USH2A: variants seen among roughly 807,000 people sequenced by gnomAD.
USH2A encodes the protein usherin.
A neutral mutation model predicts 538.9 loss-of-function variants in USH2A; 443 were observed. That is an observed-to-expected ratio of 0.82 (90% CI 0.76 to 0.89). The LOEUF (loss-of-function observed/expected upper bound fraction) is 0.89. Ranked by LOEUF, USH2A falls within the 40% of genes least tolerant of loss-of-function variation. The pLI, the probability that USH2A is intolerant of heterozygous loss-of-function variation, is 0.00. For missense variants in USH2A, 6,633 were observed against 6,324.8 expected (o/e 1.05, Z -1.65); for synonymous variants, 2,413 against 2,273.5 (o/e 1.06, Z -1.75).
intron 21 of USH2A, among the ~76,000 whole-genome samples, chr1:216,151,350 T>C (rs1467856794): frequency 1.3e-5 from 2 of 152,168 alleles, no homozygotes; most frequent in African/African-American, 4.8e-5. Context: ...TACCTGCCAA[T>C]TGGACAGCCA....
chr1:215,719,228 C>A (rs756576287), intron 61 of USH2A, among the ~76,000 whole-genome samples: 2 of 151,744 alleles, frequency 1.3e-5, no homozygotes, highest in Non-Finnish European at 2.9e-5. Flanking sequence ...GGGTAGGGTC[C>A]TAAGAGTGTC....
intron 30 of USH2A, among the ~76,000 whole-genome samples, chr1:216,069,513 A>G (rs1270602761): frequency 6.6e-6 from 1 of 152,148 alleles, no homozygotes; most frequent in African/African-American, 2.4e-5. Flanking sequence ...TTAATATTTC[A>G]TGAAGCTGAA....
At chr1:216,160,147 T>C (rs2034028750) in intron 21 of USH2A, among the ~76,000 whole-genome samples, 1 of 152,012 alleles carries the variant, frequency 6.6e-6, no homozygotes, top group Admixed American at 6.6e-5. Context: ...ATCATTGATT[T>C]CTCTTATTTT....
At position 216,246,592 on chromosome 1, in the gene USH2A, A is replaced by C. The variant is rs201527662; in HGVS notation, c.2802T>G (p.Cys934Trp). The change falls in exon 13 of 72, where the codon TGT becomes TGG. Residue 934 changes from cysteine to tryptophan, a missense_variant. Cys to Trp is a radical substitution (Grantham distance 215). Transcript: ENST00000307340. ...PNRQGRRCNQ[C>W]QPGFYISPGN... ...AATACATTTCTTTCTTACCTGGTTGACACTGATTACACCTTCTTCCTTGAC... is the reference window on the plus strand; with the variant it reads ...AATACATTTCTTTCTTACCTGGTTGCCACTGATTACACCTTCTTCCTTGAC... 146 of 1,614,032 alleles carry C rather than the reference A, an allele frequency of 9.0e-5. No individual in the cohort carries two copies. The East Asian group carries it at 2.6e-3, about 28-fold the overall frequency.
chr1:216,034,501 G>T (rs1669198065), intron 32 of USH2A, among the ~76,000 whole-genome samples: 1 of 152,120 alleles, frequency 6.6e-6, no homozygotes, highest in African/African-American at 2.4e-5. Flanking sequence ...TGAAAATAAG[G>T]TATTTGCAGA....
At chr1:216,298,843 C>CT (rs10548505) in intron 9 of USH2A, among the ~76,000 whole-genome samples, 6 of 143,268 alleles carry the variant, frequency 4.2e-5, no homozygotes, top group Admixed American at 1.4e-4. Flanking sequence ...TAGGAGAATA[C>CT]TTTTTTTTTT....
At chr1:215,917,990 C>T (rs958553450) in intron 38 of USH2A, among the ~76,000 whole-genome samples, 3 of 151,456 alleles carry the variant, frequency 2.0e-5, no homozygotes, top group African/African-American at 7.3e-5. Context: ...TGACTGAGGT[C>T]GTGTAGAAAA....
intron 61 of USH2A, among the ~76,000 whole-genome samples, chr1:215,683,014 G>A (rs12091545): frequency 0.01 from 1,560 of 151,934 alleles, 28 homozygotes; most frequent in African/African-American, 0.035. Context: ...ATGTACCACC[G>A]TGTGTGGCTA....
At chr1:216,250,760 A>C in intron 12 of USH2A, 143 bp downstream of exon 12, 1 of 835,946 alleles carries the variant, frequency 1.2e-6, no homozygotes, top group Non-Finnish European at 2.0e-6. Flanking sequence ...CATTTTAAAC[A>C]GTTAATTTCA....
Position 215,817,202 on chromosome 1 carries a change from C to G in USH2A, c.9372-7G>C. On this transcript the variant is annotated splice_polypyrimidine_tract_variant and splice_region_variant and intron_variant, in intron 47 of 71. Coordinates refer to ENST00000307340, the MANE Select transcript of USH2A (RefSeq NM_206933.4). ...CCAATCAATTTGAAGAGATCTGCAACAGAGAGAATAATCAATACTTCTGAA... is the reference window on the plus strand; with the variant it reads ...CCAATCAATTTGAAGAGATCTGCAAGAGAGAGAATAATCAATACTTCTGAA... The G allele has an allele frequency of 6.2e-7, 1 of 1,611,160 alleles. No individual in the cohort carries two copies. The highest frequency in any genetic ancestry group is 1.1e-5 in the South Asian group (1 of 91,030).
chr1:216,156,942 T>C (rs627143), intron 21 of USH2A, among the ~76,000 whole-genome samples: 135,892 of 151,410 alleles, frequency 0.9, 61,247 homozygotes, highest in East Asian at 0.98. Flanking sequence ...GGTGCCATCT[T>C]GGCTCACTGC....
intron 3 of USH2A, among the ~76,000 whole-genome samples, chr1:216,411,897 C>T (rs1396815691): frequency 1.3e-5 from 2 of 152,150 alleles, no homozygotes; most frequent in African/African-American, 4.8e-5. Flanking sequence ...AAAACTAATA[C>T]ACATATTCAA....
intron 20 of USH2A, among the ~76,000 whole-genome samples, chr1:216,181,112 C>T (rs1253653291): frequency 1.3e-5 from 2 of 152,026 alleles, no homozygotes; most frequent in Non-Finnish European, 2.9e-5. Context: ...TGACAAGTCA[C>T]CTTCAGGAGA....
At chr1:216,268,893 C>T (rs1417374260) in intron 11 of USH2A, among the ~76,000 whole-genome samples, 1 of 152,104 alleles carries the variant, frequency 6.6e-6, no homozygotes. Context: ...ATGGTACTCT[C>T]AAGGCATTTT....
At chr1:215,658,929 T>C (rs1418677891) in intron 64 of USH2A, among the ~76,000 whole-genome samples, 1 of 152,214 alleles carries the variant, frequency 6.6e-6, no homozygotes, top group Non-Finnish European at 1.5e-5. Flanking sequence ...CCAATTGTGA[T>C]TAACATCTCC....
At chr1:215,824,618 C>T (rs898861221) in intron 47 of USH2A, among the ~76,000 whole-genome samples, 7 of 152,090 alleles carry the variant, frequency 4.6e-5, no homozygotes, top group African/African-American at 1.7e-4. Flanking sequence ...AGTTACAGAG[C>T]AGAATTTCCA....
At chr1:216,201,521 C>T (rs1311759092) in intron 16 of USH2A, 1 of 152,356 alleles carries the variant, frequency 6.6e-6, no homozygotes, top group African/African-American at 2.4e-5. Flanking sequence ...ACCATTTTGC[C>T]TAGGTTGGTC....
intron 37 of USH2A, among the ~76,000 whole-genome samples, chr1:215,944,174 A>AT (rs541633550): frequency 1.7e-4 from 26 of 152,270 alleles, no homozygotes; most frequent in African/African-American, 5.8e-4. Context: ...CCAGCTGCCT[A>AT]TTTTTGTAAA....
intron 3 of USH2A, among the ~76,000 whole-genome samples, chr1:216,375,900 G>C (rs1181821378): frequency 1.3e-5 from 2 of 152,012 alleles, no homozygotes; most frequent in African/African-American, 4.8e-5. Context: ...CAGGGAACAG[G>C]GAGGCCCAAG....
Sources: gnomAD v4.1 joint callset for allele counts (sites outside exome capture counted in the v4.1 genomes callset) on GRCh38, gnomAD v4.1.1 for gene constraint, MANE v1.5 for transcripts, NCBI Gene and HGNC (gene_info 2026-07-23, HGNC 2026-07-21) for gene names.